The following CEP57 variants were observed in gnomAD, a reference collection of about 807,000 sequenced individuals.
CEP57 encodes centrosomal protein of 57 kDa.
Under a neutral mutation model 68.0 loss-of-function variants are expected in CEP57, and 40 were observed. That is an observed-to-expected ratio of 0.59 (90% confidence interval 0.46 to 0.77). CEP57 has a LOEUF of 0.77. CEP57 is among the 30% of genes least tolerant of loss of function. The pLI, the probability that CEP57 is intolerant of heterozygous loss-of-function variation, is 0.00. For synonymous variants in CEP57, 219 were observed against 198.7 expected (o/e 1.10, Z -0.86); for missense variants, 606 against 580.7 (o/e 1.04, Z -0.45).
chr11:95,820,873 T>C (rs1352487807), intron 6 of CEP57, among the ~76,000 whole-genome samples: 1 of 152,206 alleles, frequency 6.6e-6, no homozygotes, highest in African/African-American at 2.4e-5. Flanking sequence ...TTGGAGTGTA[T>C]AGATGCTTCC....
At chr11:95,799,932 G>C (rs1591049212) in intron 2 of CEP57, among the ~76,000 whole-genome samples, 1 of 152,122 alleles carries the variant, frequency 6.6e-6, no homozygotes, top group East Asian at 1.9e-4. Context: ...TGCCTCACCA[G>C]CTTCATCCCT....
At chr11:95,829,163 G>A (rs534488) in intron 9 of CEP57, 24 bp from the exon 10 acceptor site, 554,337 of 1,610,492 alleles carry the variant, frequency 0.34, 101,837 homozygotes, top group Non-Finnish European at 0.38. Context: ...ACTTAACCAT[G>A]TTCTACTTCT....
chr11:95,814,546 G>C (rs184293866), intron 4 of CEP57, among the ~76,000 whole-genome samples: 114 of 152,104 alleles, frequency 7.5e-4, no homozygotes, highest in Middle Eastern at 3.4e-3. Flanking sequence ...TTTTAGTAGA[G>C]ACAGGGTTTC....
chr11:95,812,573 G>C (rs1409974665), intron 2 of CEP57, among the ~76,000 whole-genome samples: 1 of 151,776 alleles, frequency 6.6e-6, no homozygotes, highest in Non-Finnish European at 1.5e-5. Flanking sequence ...CTCCCGAGTA[G>C]CTGGGATTAC....
chr11:95,809,341 A>G (rs1331050129), intron 2 of CEP57, among the ~76,000 whole-genome samples: 4 of 152,336 alleles, frequency 2.6e-5, no homozygotes, highest in African/African-American at 7.2e-5. Flanking sequence ...AAGGCAAGAA[A>G]TAACTAAGAT....
intron 1 of CEP57, among the ~76,000 whole-genome samples, chr11:95,796,660 G>T (rs1861361547): frequency 6.6e-6 from 1 of 152,182 alleles, no homozygotes; most frequent in East Asian, 1.9e-4. Context: ...CACCAACTGG[G>T]TGTACTACAA....
chr11:95,817,876 A>G lies in CEP57; in HGVS notation c.594A>G (p.Lys198=). The change falls in exon 5 of 11, where the codon AAA becomes AAG. Residue 198 remains lysine (K), a synonymous_variant. Transcript: ENST00000325542. ...ATCTTCTTGAACAGGAGTATAACAA[A>G]CTTACCACAATGCAGGCCCTTGCAG... The part of the protein sequence containing the change: ...KLDLLEQEYN[K]LTTMQALAEK... 1 of 1,613,042 alleles carries G rather than the reference A, an allele frequency of 6.2e-7. No individual in the cohort carries two copies. Among genetic ancestry groups the G allele is most frequent in the South Asian group, 1.1e-5 (1 of 91,058 alleles).
chr11:95,822,994 T>C (rs1862577198), intron 8 of CEP57: 1 of 232,294 alleles, frequency 4.3e-6, no homozygotes, highest in Non-Finnish European at 8.7e-6. Flanking sequence ...TTTCTAGGAC[T>C]AATTCTCCAA....
intron 2 of CEP57, 48 bp downstream of exon 2, chr11:95,799,436 T>C (rs1861482674): frequency 6.8e-6 from 11 of 1,607,146 alleles, no homozygotes; most frequent in Non-Finnish European, 5.1e-6. Flanking sequence ...TCTTGCTGCT[T>C]TAAAATTCTT....
intron 1 of CEP57, 21 bp from the exon 2 acceptor site, chr11:95,799,211 A>G (rs200646445): frequency 2.2e-5 from 35 of 1,613,646 alleles, no homozygotes; most frequent in Middle Eastern, 1.7e-4. Context: ...TTGAAAGGTA[A>G]TTTGTGTCTT....
intron 2 of CEP57, among the ~76,000 whole-genome samples, chr11:95,803,029 G>A (rs981215940): frequency 3.9e-5 from 6 of 152,130 alleles, no homozygotes; most frequent in Non-Finnish European, 8.8e-5. Context: ...CATTGTATGT[G>A]GTCTATATGT....
At chr11:95,806,500 G>A (rs1016400476) in intron 2 of CEP57, among the ~76,000 whole-genome samples, 7 of 152,146 alleles carry the variant, frequency 4.6e-5, no homozygotes, top group African/African-American at 1.7e-4. Context: ...CACAGTACCT[G>A]GAAAATCAGG....
rs117321017 is a variant in CEP57 at position 95,813,062 on chromosome 11, G to C, written c.333G>C (p.Gln111His). 6.6e-3 allele frequency: 10,579 copies of C among 1,613,574 alleles called. 52 individuals are homozygous for C. Among genetic ancestry groups the C allele is most frequent in the Non-Finnish European group, 7.6e-3 (8,952 of 1,179,918 alleles). Residue 111 changes from glutamine to histidine, a missense_variant, in exon 3 of 11, where the codon CAG becomes CAC. Physicochemically the swap from Gln to His is conservative, Grantham distance 24 (BLOSUM62 0). Transcript: ENST00000325542. ...TIEYKKVLDE[Q>H]IQERENSKNE... ...AATATAAGAAAGTACTGGATGAACA[G>C]ATACAAGAAAGGGAGAATTCAAAGA...
rs976105319 is a variant in CEP57 at position 95,832,173 on chromosome 11, A to T, written c.*917A>T. On this transcript the variant is annotated 3_prime_UTR_variant, in exon 11 of 11. Transcript: ENST00000325542. ...TGATATAAATCATAATTTCAACTAGATCAAGACATGTTAACCTTTTATAAA... is the reference window on the plus strand; with the variant it reads ...TGATATAAATCATAATTTCAACTAGTTCAAGACATGTTAACCTTTTATAAA... 2 of 152,138 alleles carry T rather than the reference A, an allele frequency of 1.3e-5. No homozygotes were observed. The highest frequency in any genetic ancestry group is 2.9e-5 in the Non-Finnish European group (2 of 67,994). The allele number at this position is 152,138 out of a possible 1,614,324, so 9.4% of individuals were successfully genotyped here.
Position 95,831,227 on chromosome 11 carries a change from C to T in CEP57, c.1474C>T (p.Gln492Ter). Residue 492 changes from glutamine (Q) to a stop codon, truncating the protein, a stop_gained, in exon 11 of 11, where the codon CAA becomes TAA. Coordinates refer to ENST00000325542, the MANE Select transcript of CEP57 (RefSeq NM_014679.5). LOFTEE classifies it high-confidence loss of function. Reference sequence around the variant, plus strand: ...CATGCAAAGCATACAGAATTCATTACAAAGCAGTAGTTTGTGTTGGGATTA... The same window carrying T: ...CATGCAAAGCATACAGAATTCATTATAAAGCAGTAGTTTGTGTTGGGATTA... The part of the protein sequence containing the change: ...KDMQSIQNSL[Q>*]SSSLCWDY 1.2e-6 allele frequency: 2 copies of T among 1,613,196 alleles called. No individual in the cohort carries two copies. The highest frequency in any genetic ancestry group is 8.5e-7 in the Non-Finnish European group (1 of 1,179,296).
chr11:95,807,295 C>G (rs1441893187), intron 2 of CEP57, among the ~76,000 whole-genome samples: 1 of 152,194 alleles, frequency 6.6e-6, no homozygotes, highest in Non-Finnish European at 1.5e-5. Context: ...TTCCAAAAAT[C>G]AGAGCACCTC....
At chr11:95,828,180 T>TA (rs1862835197) in intron 9 of CEP57, among the ~76,000 whole-genome samples, 153 bp downstream of exon 9, 1 of 152,202 alleles carries the variant, frequency 6.6e-6, no homozygotes, top group South Asian at 2.1e-4. Context: ...CTTTAACAAA[T>TA]ACAACTAATA....
intron 9 of CEP57, among the ~76,000 whole-genome samples, chr11:95,828,902 C>G (rs1207843611): frequency 6.6e-6 from 1 of 151,936 alleles, no homozygotes; most frequent in Non-Finnish European, 1.5e-5. Flanking sequence ...ATTGGCCAGG[C>G]ATGGTGGCAG....
rs377430661 is a variant in CEP57, at chr11:95,827,815, C to T, written c.915C>T (p.Ala305=). 8 of 1,614,028 alleles carry T rather than the reference C, an allele frequency of 5.0e-6. No individual in the cohort carries two copies. The highest frequency in any genetic ancestry group is 6.8e-6 in the Non-Finnish European group (8 of 1,179,986). Residue 305 remains alanine (A), a synonymous_variant, in exon 9 of 11, where the codon GCC becomes GCT. Transcript: ENST00000325542. The part of the protein sequence containing the change: ...KSTSPSHAVV[A]NVQLVLHLMK... The stretch of plus-strand genomic sequence containing the variant: ...CAAGCCCTAGCCATGCCGTGGTAGC[C>T]AATGTTCAGCTTGTCTTGCATCTAA...
Sources: gnomAD v4.1 joint callset for allele counts (sites outside exome capture counted in the v4.1 genomes callset) on GRCh38, gnomAD v4.1.1 for gene constraint, MANE v1.5 for transcripts, NCBI Gene and HGNC (gene_info 2026-07-23, HGNC 2026-07-21) for gene names.